MIPEP: variants seen among roughly 807,000 people sequenced by gnomAD.
MIPEP encodes the protein mitochondrial intermediate peptidase.
MIPEP carries 79 observed loss-of-function variants against 90.3 expected under a neutral mutation model. That is an observed-to-expected ratio of 0.87 (90% CI 0.73 to 1.05). The LOEUF (loss-of-function observed/expected upper bound fraction) is 1.05, where lower values mean the gene tolerates loss of function less well. MIPEP is among the 50% of genes least tolerant of loss of function. The probability of loss-of-function intolerance (pLI) is 0.00; values close to 1 mark genes in which losing one functional copy is unlikely to be tolerated. For missense variants in MIPEP, 940 were observed against 905.6 expected (o/e 1.04, Z -0.49); for synonymous variants, 334 against 315.8 (o/e 1.06, Z -0.61).
intron 18 of MIPEP, among the ~76,000 whole-genome samples, chr13:23,744,522 G>A (rs1190634681): frequency 6.6e-6 from 1 of 152,206 alleles, no homozygotes; most frequent in Non-Finnish European, 1.5e-5. Context: ...TCTGCTACTA[G>A]GTGATCTCAG....
chr13:23,828,096 G>C (rs1323749109), intron 14 of MIPEP, among the ~76,000 whole-genome samples: 1 of 152,146 alleles, frequency 6.6e-6, no homozygotes, highest in East Asian at 1.9e-4. Context: ...CAATCTGACA[G>C]CTCAAAAGAT....
At chr13:23,817,702 C>T (rs957856640) in intron 14 of MIPEP, among the ~76,000 whole-genome samples, 1 of 152,106 alleles carries the variant, frequency 6.6e-6, no homozygotes, top group South Asian at 2.1e-4. Context: ...TAACGTCGGG[C>T]TTGTTGATTC....
chr13:23,730,463 G>C lies in MIPEP; in HGVS notation c.2045-18C>G. Reference sequence around the variant, plus strand: ...AAGCATACCTGCAAACAAAGGAAAGGTCAGAACTGCGTTCACCAGGAGGCA... The same window carrying C: ...AAGCATACCTGCAAACAAAGGAAAGCTCAGAACTGCGTTCACCAGGAGGCA... On this transcript the variant is annotated intron_variant, in intron 18 of 18. Transcript: ENST00000382172. The C allele has an allele frequency of 6.4e-7, 1 of 1,563,412 alleles. No individual in the cohort carries two copies. Among genetic ancestry groups the C allele is most frequent in the Non-Finnish European group, 8.8e-7 (1 of 1,136,958 alleles).
In MIPEP at chr13:23,875,013, A is replaced by G. The variant is rs1001235222; in HGVS notation, c.540-104T>C. The stretch of plus-strand genomic sequence containing the variant: ...ATAAGTCTTTTTCAGCCTCACTGCC[A>G]AAAGTTTCTTCAAAACACACACACA... On this transcript the variant is annotated intron_variant, in intron 4 of 18. Coordinates refer to ENST00000382172, the MANE Select transcript of MIPEP (RefSeq NM_005932.4). 1.2e-5 allele frequency: 9 copies of G among 753,748 alleles called. No individual in the cohort carries two copies. In the Admixed American group the frequency reaches 1.2e-4, roughly 10 times the overall value. The allele number at this position is 753,748 out of a possible 1,614,324, so 46.7% of individuals were successfully genotyped here. A position where few individuals can be genotyped will look rare whatever the true frequency, so the allele number is the denominator to read the frequency against.
intron 16 of MIPEP, among the ~76,000 whole-genome samples, chr13:23,790,455 T>C (rs1024558833): frequency 6.6e-6 from 1 of 152,210 alleles, no homozygotes; most frequent in Non-Finnish European, 1.5e-5. Flanking sequence ...TGTCACCTTA[T>C]TTGGGAAAAA....
At position 23,836,341 on chromosome 13, in the gene MIPEP, A is replaced by G; in HGVS notation, c.1552T>C (p.Cys518Arg). The G allele has an allele frequency of 6.4e-7, 1 of 1,570,750 alleles. No individual in the cohort carries two copies. The highest frequency in any genetic ancestry group is 8.6e-7 in the Non-Finnish European group (1 of 1,164,374). ...TRYQHVTGTR[C>R]PTDFAEVPSI... ...GGAACCTCAGCAAAATCAGTAGGGC[A>G]CCTGGTCCCTAAAACAAGAAAAAAA... Residue 518 changes from cysteine (C) to arginine (R), a missense_variant, in exon 14 of 19, where the codon TGC becomes CGC. Physicochemically the swap from Cys to Arg is radical, Grantham distance 180 (BLOSUM62 -3). Transcript: ENST00000382172.
At chr13:23,836,167 C>G in intron 14 of MIPEP, 73 bp downstream of exon 14, 2 of 908,914 alleles carry the variant, frequency 2.2e-6, no homozygotes, top group East Asian at 5.5e-5. Flanking sequence ...AAGAAGAGTT[C>G]AATTTATCCA....
intron 16 of MIPEP, among the ~76,000 whole-genome samples, chr13:23,773,234 G>GT (rs1371897359): frequency 8.5e-5 from 13 of 152,154 alleles, no homozygotes; most frequent in African/African-American, 2.2e-4. Context: ...CACAATAGAG[G>GT]TTTTTTGTGT....
rs57512042 is a variant in MIPEP at position 23,854,986 on chromosome 13, T to C, written c.1106+3874A>G. Reference sequence around the variant, plus strand: ...AAACTCATTACTCACAGAAAAGAAATAGTGTTTCCAAAGCATCAAAAACAA... The same window carrying C: ...AAACTCATTACTCACAGAAAAGAAACAGTGTTTCCAAAGCATCAAAAACAA... On this transcript the variant is annotated intron_variant, in intron 10 of 18. Transcript: ENST00000382172. Among the ~76,000 whole-genome samples, 985 of 149,620 alleles carry C rather than the reference T, an allele frequency of 6.6e-3. 10 individuals are homozygous for C. The highest frequency in any genetic ancestry group is 0.023 in the African/African-American group (923 of 40,676).
chr13:23,884,469 T>A (rs1871391634), intron 2 of MIPEP, among the ~76,000 whole-genome samples: 1 of 152,110 alleles, frequency 6.6e-6, no homozygotes, highest in African/African-American at 2.4e-5. Flanking sequence ...CAGCCAGCCC[T>A]GAAATGGTTG....
chr13:23,839,164 T>A (rs1869186174), intron 12 of MIPEP, among the ~76,000 whole-genome samples: 1 of 152,140 alleles, frequency 6.6e-6, no homozygotes, highest in Non-Finnish European at 1.5e-5. Flanking sequence ...CCACATGGAG[T>A]ATCTTCCGCA....
At chr13:23,887,339 G>T (rs1871540225) in intron 1 of MIPEP, among the ~76,000 whole-genome samples, 1 of 152,222 alleles carries the variant, frequency 6.6e-6, no homozygotes, top group Non-Finnish European at 1.5e-5. Flanking sequence ...ATACCATGAA[G>T]TGTGCCTGCT....
At chr13:23,854,836 G>A (rs557655014) in intron 10 of MIPEP, among the ~76,000 whole-genome samples, 6 of 151,646 alleles carry the variant, frequency 4.0e-5, no homozygotes, top group South Asian at 2.1e-4. Flanking sequence ...AGGTTGCAGC[G>A]AGCTGAGATC....
chr13:23,795,484 T>A (rs1952948314), intron 16 of MIPEP, among the ~76,000 whole-genome samples: 1 of 152,200 alleles, frequency 6.6e-6, no homozygotes. Flanking sequence ...CCTGTCTTAG[T>A]TTAAAAATAA....
Position 23,821,554 on chromosome 13 carries a change from C to T in MIPEP, c.1654-11630G>A, listed in dbSNP as rs189829060. The stretch of plus-strand genomic sequence containing the variant: ...GCTCATCTTCACCGAGCATCCCACC[C>T]TGTGCAAGGCATCCTACTAAGCAGC... On this transcript the variant is annotated intron_variant, in intron 14 of 18. Coordinates refer to ENST00000382172, the MANE Select transcript of MIPEP (RefSeq NM_005932.4). Among the ~76,000 whole-genome samples, 15 of 152,298 alleles carry T rather than the reference C, an allele frequency of 9.8e-5. No homozygotes were observed. In the East Asian group the frequency reaches 2.5e-3, roughly 25 times the overall value.
At chr13:23,808,265 A>T (rs2137405644) in intron 15 of MIPEP, among the ~76,000 whole-genome samples, 1 of 151,752 alleles carries the variant, frequency 6.6e-6, no homozygotes, top group South Asian at 2.1e-4. Flanking sequence ...CGCCTGGCTA[A>T]TTTTTTTGTA....
Position 23,870,230 on chromosome 13 carries a change from G to A in MIPEP, c.604-35C>T, listed in dbSNP as rs559637035. On this transcript the variant is annotated intron_variant, in intron 5 of 18. Coordinates refer to ENST00000382172, the MANE Select transcript of MIPEP (RefSeq NM_005932.4). Reference sequence around the variant, plus strand: ...GGAGGAGTAAAAGTTATTTAAAGGCGTTTTGAATTAATATTTCACAATTTA... The same window carrying A: ...GGAGGAGTAAAAGTTATTTAAAGGCATTTTGAATTAATATTTCACAATTTA... The A allele has an allele frequency of 1.3e-4, 174 of 1,371,132 alleles. 2 individuals are homozygous for A. In the South Asian group the frequency reaches 1.8e-3, roughly 14 times the overall value. The allele number at this position is 1,371,132 out of a possible 1,614,324, so 84.9% of individuals were successfully genotyped here. A position where few individuals can be genotyped will look rare whatever the true frequency, so the allele number is the denominator to read the frequency against.
chr13:23,883,308 G>A (rs1271750542), intron 2 of MIPEP, among the ~76,000 whole-genome samples: 1 of 151,918 alleles, frequency 6.6e-6, no homozygotes, highest in African/African-American at 2.4e-5. Flanking sequence ...AAATCTTTTA[G>A]TGAAGATCAA....
intron 16 of MIPEP, among the ~76,000 whole-genome samples, chr13:23,762,429 C>T (rs1353492142): frequency 1.3e-5 from 2 of 152,144 alleles, no homozygotes; most frequent in South Asian, 2.1e-4. Context: ...TGGTTATGTC[C>T]GATTCTCCAA....
Sources: gnomAD v4.1 joint callset for allele counts (sites outside exome capture counted in the v4.1 genomes callset) on GRCh38, gnomAD v4.1.1 for gene constraint, MANE v1.5 for transcripts, NCBI Gene and HGNC (gene_info 2026-07-23, HGNC 2026-07-21) for gene names.